The following KCNMA1 variants were observed in gnomAD, a reference collection of about 807,000 sequenced individuals.
The protein encoded by KCNMA1 is potassium calcium-activated channel subfamily M alpha 1.
A neutral mutation model predicts 140.0 loss-of-function variants in KCNMA1; 29 were observed. That is an observed-to-expected ratio of 0.21 (90% CI 0.15 to 0.28). The LOEUF is 0.28. KCNMA1 is among the 10% of genes least tolerant of loss of function. The pLI is 1.00. For synonymous variants in KCNMA1, 612 were observed against 611.9 expected (o/e 1.00, Z 0.00); for missense variants, 880 against 1,602.2 (o/e 0.55, Z 7.70).
intron 1 of KCNMA1, among the ~76,000 whole-genome samples, chr10:77,410,215 C>T (rs2096588557): frequency 6.6e-6 from 1 of 152,218 alleles, no homozygotes. Flanking sequence ...AGCAGGTGAC[C>T]TGTCATGCTG....
rs1191773052 is a variant in KCNMA1, at chr10:77,529,063, A to G, written c.378+108202T>C. On this transcript the variant is annotated intron_variant, in intron 1 of 27. Coordinates refer to ENST00000286628, the MANE Select transcript of KCNMA1 (RefSeq NM_001161352.2). ...TATACTTAAAATCTCACAATGGTCA[A>G]TTTTATAGTGTGTATATTTTACCAT... Among the ~76,000 whole-genome samples the G allele has an allele frequency of 4.6e-5, 7 of 152,274 alleles. No homozygotes were observed. In the East Asian group the frequency reaches 9.6e-4, roughly 21 times the overall value.
chr10:77,120,409 A>C (rs1359529408), intron 6 of KCNMA1, among the ~76,000 whole-genome samples: 1 of 152,086 alleles, frequency 6.6e-6, no homozygotes, highest in African/African-American at 2.4e-5. Flanking sequence ...GTTTTCCCCC[A>C]AAAGGCAATT....
At chr10:77,004,761 A>C (rs541528675) in intron 18 of KCNMA1, among the ~76,000 whole-genome samples, 1 of 152,298 alleles carries the variant, frequency 6.6e-6, no homozygotes, top group South Asian at 2.1e-4. Context: ...CTGGCTTCCT[A>C]ACCCTTCAAT....
intron 2 of KCNMA1, among the ~76,000 whole-genome samples, chr10:77,375,673 G>T (rs147612558): frequency 1.1e-4 from 17 of 152,344 alleles, no homozygotes; most frequent in African/African-American, 3.8e-4. Flanking sequence ...CTTCAAGAAG[G>T]ACTTGCTGCT....
At chr10:76,999,398 C>T (rs2085451354) in intron 19 of KCNMA1, among the ~76,000 whole-genome samples, 1 of 152,166 alleles carries the variant, frequency 6.6e-6, no homozygotes, top group African/African-American at 2.4e-5. Context: ...TTTAGAGCCT[C>T]ATGATTATTT....
intron 1 of KCNMA1, among the ~76,000 whole-genome samples, chr10:77,443,581 G>C (rs537521783): frequency 3.3e-5 from 5 of 152,218 alleles, no homozygotes; most frequent in African/African-American, 1.2e-4. Context: ...GGAGGGAGTG[G>C]GCTTTGGAAT....
chr10:77,382,982 G>A (rs1385820235), intron 2 of KCNMA1, among the ~76,000 whole-genome samples: 66 of 75,306 alleles, frequency 8.8e-4, no homozygotes, highest in African/African-American at 4.8e-3. Context: ...GTGTGTGTGT[G>A]TGTGTGTGTG....
At chr10:77,270,978 T>G (rs1470434012) in intron 2 of KCNMA1, among the ~76,000 whole-genome samples, 1 of 152,194 alleles carries the variant, frequency 6.6e-6, no homozygotes, top group Admixed American at 6.5e-5. Flanking sequence ...ATATTTTTAC[T>G]TCAACATGTC....
At position 77,636,975 on chromosome 10, in the gene KCNMA1, G is replaced by C. The variant is rs1250592385; in HGVS notation, c.378+290C>G. The C allele has an allele frequency of 7.1e-6, 10 of 1,409,940 alleles. No individual in the cohort carries two copies. In the Admixed American group the frequency reaches 3.3e-4, roughly 46 times the overall value. The allele number at this position is 1,409,940 out of a possible 1,614,324, so 87.3% of individuals were successfully genotyped here. On this transcript the variant is annotated intron_variant, in intron 1 of 27. Coordinates refer to ENST00000286628, the MANE Select transcript of KCNMA1 (RefSeq NM_001161352.2). The stretch of plus-strand genomic sequence containing the variant: ...ACGGCACCCGAGCCTGTGAGTCCCC[G>C]ACCCCGGCCCCAGCCGCAGCCGCCA...
At chr10:77,023,244 A>T (rs537726567) in intron 16 of KCNMA1, among the ~76,000 whole-genome samples, 2 of 152,318 alleles carry the variant, frequency 1.3e-5, no homozygotes, top group Admixed American at 1.3e-4. Context: ...CAATCATTGT[A>T]AACTTTACTT....
At chr10:77,202,489 T>C (rs2042785519) in intron 3 of KCNMA1, among the ~76,000 whole-genome samples, 3 of 152,136 alleles carry the variant, frequency 2.0e-5, no homozygotes, top group South Asian at 4.1e-4. Context: ...TCACGTACAG[T>C]TGGTGCAGGC....
intron 1 of KCNMA1, chr10:77,498,784 A>G (rs2154544384): frequency 6.6e-6 from 1 of 152,274 alleles, no homozygotes; most frequent in South Asian, 2.1e-4. Context: ...AACATTCTTA[A>G]CTATAAAAGG....
chr10:77,636,220 T>C (rs1377664393), intron 1 of KCNMA1: 1 of 1,429,168 alleles, frequency 7.0e-7, no homozygotes, highest in Non-Finnish European at 9.1e-7. Flanking sequence ...TCTTTCTTTT[T>C]TATTCTGCAG....
chr10:77,354,987 C>A (rs1277115889), intron 2 of KCNMA1, among the ~76,000 whole-genome samples: 1 of 152,236 alleles, frequency 6.6e-6, no homozygotes, highest in African/African-American at 2.4e-5. Context: ...CAAATCTCAT[C>A]TTGAATTGTA....
chr10:77,288,264 C>T (rs2154305347), intron 2 of KCNMA1, among the ~76,000 whole-genome samples: 1 of 152,310 alleles, frequency 6.6e-6, no homozygotes, highest in South Asian at 2.1e-4. Flanking sequence ...CAAGAGCAAA[C>T]AGTTTATTCA....
At chr10:77,459,346 A>C (rs536183503) in intron 1 of KCNMA1, among the ~76,000 whole-genome samples, 93 of 152,354 alleles carry the variant, frequency 6.1e-4, no homozygotes, top group African/African-American at 2.1e-3. Flanking sequence ...CCCTGGAGAC[A>C]ACACACAGAG....
intron 9 of KCNMA1, among the ~76,000 whole-genome samples, chr10:77,098,748 C>T (rs932682143): frequency 2.0e-5 from 3 of 151,984 alleles, no homozygotes; most frequent in African/African-American, 7.3e-5. Flanking sequence ...TTCTTTCTCT[C>T]TCCTTTCCTT....
At chr10:76,910,275 T>C (rs2049604653) in intron 24 of KCNMA1, 179 bp from the exon 25 acceptor site, 3 of 650,222 alleles carry the variant, frequency 4.6e-6, no homozygotes, top group Non-Finnish European at 5.4e-6. Context: ...GGACTGTTCC[T>C]GTGTCACTGT....
chr10:77,074,254 A>C (rs1480892817), intron 13 of KCNMA1, among the ~76,000 whole-genome samples: 2 of 152,252 alleles, frequency 1.3e-5, no homozygotes, highest in African/African-American at 4.8e-5. Context: ...TAGGCTAGCC[A>C]TGTGACATTA....
Sources: gnomAD v4.1 joint callset for allele counts (sites outside exome capture counted in the v4.1 genomes callset) on GRCh38, gnomAD v4.1.1 for gene constraint, MANE v1.5 for transcripts, NCBI Gene and HGNC (gene_info 2026-07-23, HGNC 2026-07-21) for gene names.